The following KCNMA1 variants were observed in gnomAD, a reference collection of about 807,000 sequenced individuals.
KCNMA1 encodes potassium calcium-activated channel subfamily M alpha 1.
A neutral mutation model predicts 140.0 loss-of-function variants in KCNMA1; 29 were observed. That is an observed-to-expected ratio of 0.21 (90% CI 0.15 to 0.28). KCNMA1 has a LOEUF of 0.28. KCNMA1 is among the 10% of genes least tolerant of loss of function. The pLI, the probability that KCNMA1 is intolerant of heterozygous loss-of-function variation, is 1.00. For missense variants in KCNMA1, 880 were observed against 1,602.2 expected (o/e 0.55, Z 7.70); for synonymous variants, 612 against 611.9 (o/e 1.00, Z 0.00).
At chr10:77,069,005 C>T (rs2096075059) in intron 14 of KCNMA1, among the ~76,000 whole-genome samples, 1 of 151,772 alleles carries the variant, frequency 6.6e-6, no homozygotes, top group African/African-American at 2.4e-5. Context: ...TGAAGAGAAG[C>T]TAAGTATGCA....
Position 77,108,314 on chromosome 10 carries a change from C to A in KCNMA1, c.1223+167G>T, listed in dbSNP as rs1366186748. ...CTGCCTCCATGTTTGTTAAAAGTCC[C>A]GCCGAATTTATTCCGACTCAGGATG... On this transcript the variant is annotated intron_variant, in intron 9 of 27. Transcript: ENST00000286628. The surrounding 1 kb of genome is among the most constrained non-coding windows in gnomAD (Gnocchi z 4.6). 12 of 1,518,662 alleles carry A rather than the reference C, an allele frequency of 7.9e-6. No individual in the cohort carries two copies. The highest frequency in any genetic ancestry group is 1.1e-5 in the Non-Finnish European group (12 of 1,141,514). 94.1% of individuals were successfully genotyped at this position (1,518,662 alleles called of 1,614,324 possible). A position where few individuals can be genotyped will look rare whatever the true frequency, so the allele number is the denominator to read the frequency against.
At chr10:76,920,773 G>C (rs1216043642) in intron 23 of KCNMA1, among the ~76,000 whole-genome samples, 2 of 152,218 alleles carry the variant, frequency 1.3e-5, no homozygotes, top group Non-Finnish European at 2.9e-5. Context: ...TGACTTGGGT[G>C]CTGGCCTTCT....
chr10:77,135,060 C>T (rs1479589051), intron 5 of KCNMA1, among the ~76,000 whole-genome samples: 3 of 122,238 alleles, frequency 2.5e-5, no homozygotes, highest in Non-Finnish European at 5.0e-5. Flanking sequence ...GAAGAGACAA[C>T]CTACAGAATG....
chr10:77,322,934 T>C lies in KCNMA1; in HGVS notation c.541-71678A>G, dbSNP rs76811717. On this transcript the variant is annotated intron_variant, in intron 2 of 27. Transcript: ENST00000286628. ...CCCCACCAACACTAGGATTTCACAA[T>C]TTATGAGCATTTTGAAAGAATTTAC... Among the ~76,000 whole-genome samples, 582 of 152,306 alleles carry C rather than the reference T, an allele frequency of 3.8e-3. 3 individuals are homozygous for C. The highest frequency in any genetic ancestry group is 0.013 in the African/African-American group (556 of 41,574).
intron 16 of KCNMA1, chr10:77,022,914 C>G: frequency 2.2e-6 from 1 of 454,754 alleles, no homozygotes; most frequent in Non-Finnish European, 4.4e-6. Context: ...ATGTAAATAT[C>G]CCAATATGTA....
chr10:77,139,463 G>A (rs2098120716), intron 5 of KCNMA1, among the ~76,000 whole-genome samples: 7 of 152,182 alleles, frequency 4.6e-5, no homozygotes, highest in Admixed American at 3.9e-4. Flanking sequence ...TAATGAAAAG[G>A]ATTGACTAGG....
At chr10:77,396,525 C>T (rs543789916) in intron 2 of KCNMA1, among the ~76,000 whole-genome samples, 5 of 152,284 alleles carry the variant, frequency 3.3e-5, no homozygotes, top group African/African-American at 9.6e-5. Flanking sequence ...TAATTTCATG[C>T]GCAAACAGCA....
intron 1 of KCNMA1, among the ~76,000 whole-genome samples, chr10:77,610,818 C>T (rs2619630): frequency 6.6e-6 from 1 of 151,896 alleles, no homozygotes; most frequent in African/African-American, 2.4e-5. Flanking sequence ...CACAACTTTG[C>T]GAATAAGCTA....
chr10:77,292,497 C>G (rs539821168), intron 2 of KCNMA1, among the ~76,000 whole-genome samples: 1 of 152,242 alleles, frequency 6.6e-6, no homozygotes, highest in Non-Finnish European at 1.5e-5. Context: ...CTGGATCATA[C>G]TGGATTTGGC....
At chr10:77,024,699 A>G (rs1215405957) in intron 16 of KCNMA1, among the ~76,000 whole-genome samples, 1 of 152,178 alleles carries the variant, frequency 6.6e-6, no homozygotes, top group African/African-American at 2.4e-5. Flanking sequence ...CACTAGGAAA[A>G]AAAAGCCATG....
chr10:77,397,723 G>A (rs1447794169), intron 2 of KCNMA1, among the ~76,000 whole-genome samples: 3 of 152,062 alleles, frequency 2.0e-5, no homozygotes, highest in Admixed American at 6.5e-5. Flanking sequence ...TCCAAATAGC[G>A]TGCATTGCAA....
At chr10:77,585,807 G>A (rs1379896074) in intron 1 of KCNMA1, among the ~76,000 whole-genome samples, 1 of 152,054 alleles carries the variant, frequency 6.6e-6, no homozygotes, top group Non-Finnish European at 1.5e-5. Flanking sequence ...GCTCCTATCA[G>A]ACCACAGCTC....
chr10:77,231,589 T>C (rs79144704), intron 3 of KCNMA1, among the ~76,000 whole-genome samples: 1,627 of 152,330 alleles, frequency 0.011, 18 homozygotes, highest in Non-Finnish European at 0.014. Flanking sequence ...ATACCTGTTA[T>C]GGTCAACAAC....
intron 23 of KCNMA1, among the ~76,000 whole-genome samples, chr10:76,927,323 T>G (rs1035070996): frequency 1.3e-5 from 2 of 152,144 alleles, no homozygotes; most frequent in African/African-American, 4.8e-5. Flanking sequence ...AACCATTTAT[T>G]AAACAAACAC....
At chr10:77,556,741 T>C (rs2064629666) in intron 1 of KCNMA1, among the ~76,000 whole-genome samples, 1 of 152,146 alleles carries the variant, frequency 6.6e-6, no homozygotes, top group South Asian at 2.1e-4. Flanking sequence ...AAGTGCCTGA[T>C]GCCCAACTCC....
chr10:77,423,790 C>T (rs965671333), intron 1 of KCNMA1, among the ~76,000 whole-genome samples: 2 of 152,180 alleles, frequency 1.3e-5, no homozygotes, highest in African/African-American at 4.8e-5. Context: ...TTAGGATGCT[C>T]ACCCCAAGGC....
intron 1 of KCNMA1, among the ~76,000 whole-genome samples, chr10:77,620,149 T>C (rs2090932544): frequency 6.6e-6 from 1 of 152,212 alleles, no homozygotes; most frequent in Non-Finnish European, 1.5e-5. Context: ...GGAGGGGCTG[T>C]CGACTGCAGA....
At chr10:77,229,807 G>A (rs184153387) in intron 3 of KCNMA1, among the ~76,000 whole-genome samples, 11 of 152,270 alleles carry the variant, frequency 7.2e-5, no homozygotes, top group East Asian at 5.8e-4. Flanking sequence ...ATAAGTTGGC[G>A]AGGATGTGGA....
chr10:77,042,542 A>G (rs2094792711), intron 14 of KCNMA1, among the ~76,000 whole-genome samples: 1 of 152,196 alleles, frequency 6.6e-6, no homozygotes, highest in African/African-American at 2.4e-5. Context: ...TATTCTTTTC[A>G]TATGTGTTCT....
Sources: allele counts gnomAD v4.1 joint callset (sites outside exome capture counted in the v4.1 genomes callset), GRCh38; gene constraint gnomAD v4.1.1; non-coding constraint Gnocchi (gnomAD v3.1); transcripts MANE v1.5; gene names NCBI Gene and HGNC (gene_info 2026-07-23, HGNC 2026-07-21).